Variants in HUNK observed in about 807,000 individuals in gnomAD.
HUNK encodes the protein hormonally up-regulated neu tumor-associated kinase.
Under a neutral mutation model 61.0 loss-of-function variants are expected in HUNK, and 21 were observed. The ratio of observed to expected loss-of-function variants is 0.34; its 90% CI spans 0.24 to 0.50. The LOEUF is 0.50. HUNK is among the 20% of genes least tolerant of loss of function. The pLI is 0.98. For synonymous variants in HUNK, 371 were observed against 386.1 expected, an observed-to-expected ratio of 0.96 and a Z score of 0.46; for missense variants, 772 against 945.7, an observed-to-expected ratio of 0.82 and a Z score of 2.41.
intron 9 of HUNK, 68 bp from the exon 10 acceptor site, chr21:31,995,700 T>G: frequency 7.6e-7 from 1 of 1,307,868 alleles, no homozygotes; most frequent in Non-Finnish European, 1.1e-6. Context: ...TGGATGACTT[T>G]TCAAAGAGGA....
rs544241747 is a variant in HUNK, at chr21:32,001,430, G to A, written c.*2246G>A. 6.6e-6 allele frequency: 1 copy of A among 152,332 alleles called. No homozygotes were observed. The highest frequency in any genetic ancestry group is 6.5e-5 in the Admixed American group (1 of 15,300). 9.4% of individuals were successfully genotyped at this position (152,332 alleles called of 1,614,324 possible). On this transcript the variant is annotated 3_prime_UTR_variant, in exon 11 of 11. Transcript: ENST00000270112. ...TGCAGGGTGTATACCTGCGCATTGG[G>A]AACTTGCTGGAACCCCTGATGCATT...
chr21:31,917,756 A>ACACACACACC (rs758905742), intron 1 of HUNK, among the ~76,000 whole-genome samples: 1 of 122,410 alleles, frequency 8.2e-6, no homozygotes, highest in African/African-American at 3.0e-5. Flanking sequence ...ACACACACAC[A>ACACACACACC]CCCCTGGACT....
At chr21:31,876,472 G>T (rs959737310) in intron 1 of HUNK, among the ~76,000 whole-genome samples, 3 of 152,316 alleles carry the variant, frequency 2.0e-5, no homozygotes, top group Admixed American at 6.5e-5. Flanking sequence ...TAAAATGGTT[G>T]TGTGTGTATG....
chr21:31,946,771 T>C (rs1009425861), intron 4 of HUNK, among the ~76,000 whole-genome samples: 7 of 152,088 alleles, frequency 4.6e-5, no homozygotes, highest in Non-Finnish European at 8.8e-5. Flanking sequence ...TGCACCACCA[T>C]GCCCAGCTAA....
chr21:31,882,990 C>T (rs2052319689), intron 1 of HUNK, among the ~76,000 whole-genome samples: 1 of 151,884 alleles, frequency 6.6e-6, no homozygotes, highest in Non-Finnish European at 1.5e-5. Context: ...TTAACCATCC[C>T]TTGTTGATGG....
At position 31,998,704 on chromosome 21, in the gene HUNK, G is replaced by T; in HGVS notation, c.1665G>T (p.Met555Ile). ...TGIPHKEDPL[M>I]LDMVRSFESV... ...TCCCCCACAAGGAAGACCCCCTGAT[G>T]CTGGACATGGTGCGCTCCTTCGAGT... Residue 555 changes from methionine to isoleucine, a missense_variant, in exon 11 of 11, where the codon ATG (methionine) becomes ATT (isoleucine). Met to Ile is a conservative substitution (Grantham distance 10). Transcript: ENST00000270112. The T allele has an allele frequency of 1.2e-6, 2 of 1,614,136 alleles. No homozygotes were observed. The highest frequency in any genetic ancestry group is 1.7e-6 in the Non-Finnish European group (2 of 1,180,022).
intron 10 of HUNK, among the ~76,000 whole-genome samples, 165 bp from the exon 11 acceptor site, chr21:31,998,361 T>C (rs1024328581): frequency 2.0e-5 from 3 of 152,186 alleles, no homozygotes; most frequent in African/African-American, 7.2e-5. Flanking sequence ...GAGAGTGACA[T>C]GCTGCTGGTG....
intron 2 of HUNK, among the ~76,000 whole-genome samples, chr21:31,935,583 C>T (rs1030128519): frequency 1.3e-5 from 2 of 152,264 alleles, no homozygotes; most frequent in Middle Eastern, 6.8e-3. Flanking sequence ...TTCCCTCTCA[C>T]ACCCCAACCC....
At chr21:31,992,506 T>C (rs2053178069) in intron 9 of HUNK, among the ~76,000 whole-genome samples, 1 of 152,154 alleles carries the variant, frequency 6.6e-6, no homozygotes, top group South Asian at 2.1e-4. Context: ...TGATCTGCCT[T>C]GGGGGATTTG....
chr21:31,978,710 ACTTT>A (rs570199486), intron 7 of HUNK, among the ~76,000 whole-genome samples: 159 of 152,158 alleles, frequency 1.0e-3, no homozygotes, highest in Non-Finnish European at 1.6e-3. Flanking sequence ...GGTACCACAC[ACTTT>A]CTTTATTCAT....
intron 2 of HUNK, among the ~76,000 whole-genome samples, chr21:31,934,242 T>G (rs1424466149): frequency 1.3e-5 from 2 of 151,608 alleles, no homozygotes; most frequent in East Asian, 3.9e-4. Context: ...GATCACGAGG[T>G]CAGGAGATCG....
intron 4 of HUNK, among the ~76,000 whole-genome samples, chr21:31,949,733 G>A (rs1334744206): frequency 1.3e-5 from 2 of 152,172 alleles, no homozygotes; most frequent in Non-Finnish European, 2.9e-5. Flanking sequence ...TCATGGTTCT[G>A]CAGGCTGTAC....
chr21:31,945,902 A>G (rs1256200620), intron 3 of HUNK, 134 bp from the exon 4 acceptor site: 7 of 859,786 alleles, frequency 8.1e-6, no homozygotes, highest in Non-Finnish European at 1.2e-5. Flanking sequence ...AGTTTTCTTT[A>G]GGATGCTAAA....
chr21:31,905,828 G>C (rs899911426), intron 1 of HUNK, among the ~76,000 whole-genome samples: 1 of 152,226 alleles, frequency 6.6e-6, no homozygotes, highest in Admixed American at 6.5e-5. Context: ...GTGTGATTTA[G>C]TGGGGGAGGA....
intron 2 of HUNK, among the ~76,000 whole-genome samples, chr21:31,929,252 T>G (rs941640934): frequency 2.0e-5 from 3 of 152,168 alleles, no homozygotes; most frequent in African/African-American, 7.2e-5. Flanking sequence ...GTTTTGTTTT[T>G]TTTTTTTAAT....
intron 6 of HUNK, among the ~76,000 whole-genome samples, chr21:31,968,651 A>G (rs1370631503): frequency 2.0e-5 from 3 of 151,774 alleles, no homozygotes; most frequent in Non-Finnish European, 4.4e-5. Context: ...GAGGGTCTGT[A>G]TCTTCCCAGG....
chr21:31,877,121 C>A (rs556738884), intron 1 of HUNK, among the ~76,000 whole-genome samples: 6 of 152,166 alleles, frequency 3.9e-5, no homozygotes, highest in Non-Finnish European at 5.9e-5. Context: ...TGAGAGGGCA[C>A]CCCAAGTTTG....
chr21:31,883,923 C>T (rs1183043451), intron 1 of HUNK, among the ~76,000 whole-genome samples: 1 of 152,164 alleles, frequency 6.6e-6, no homozygotes, highest in African/African-American at 2.4e-5. Flanking sequence ...TCAGGCTAGG[C>T]AGGTTGGTTC....
chr21:31,961,362 C>G (rs1046900122), intron 5 of HUNK, among the ~76,000 whole-genome samples: 6 of 152,030 alleles, frequency 3.9e-5, no homozygotes, highest in African/African-American at 1.4e-4. Flanking sequence ...TGTAAACATT[C>G]ATGTTTAAGT....
Sources: gnomAD v4.1 joint callset for allele counts (sites outside exome capture counted in the v4.1 genomes callset) on GRCh38, gnomAD v4.1.1 for gene constraint, MANE v1.5 for transcripts, NCBI Gene and HGNC (gene_info 2026-07-23, HGNC 2026-07-21) for gene names.